DYSF: variants seen among roughly 807,000 people sequenced by gnomAD.
The protein encoded by DYSF is dystrophy-associated fer-1-like 1.
In DYSF, 212 loss-of-function variants were observed where a neutral mutation model predicts 274.9. The observed-to-expected ratio is 0.77, with a 90% CI of 0.69 to 0.86. The LOEUF (loss-of-function observed/expected upper bound fraction) is 0.86, where lower values mean the gene tolerates loss of function less well. Ranked by LOEUF, DYSF falls within the 40% of genes least tolerant of loss-of-function variation. The probability of loss-of-function intolerance (pLI) is 0.00; values close to 1 mark genes in which losing one functional copy is unlikely to be tolerated. For missense variants in DYSF, 2,666 were observed against 2,783.2 expected, an observed-to-expected ratio of 0.96 and a Z score of 0.95; for synonymous variants, 1,091 against 1,078.7, an observed-to-expected ratio of 1.01 and a Z score of -0.22.
intron 23 of DYSF, among the ~76,000 whole-genome samples, chr2:71,562,683 G>C (rs907546026): frequency 6.6e-6 from 1 of 152,220 alleles, no homozygotes; most frequent in Non-Finnish European, 1.5e-5. Flanking sequence ...CCAGGAGTGT[G>C]AGAAGGGCAG....
intron 14 of DYSF, 136 bp from the exon 15 acceptor site, chr2:71,534,885 C>T: frequency 9.3e-6 from 8 of 858,520 alleles, no homozygotes; most frequent in Non-Finnish European, 1.6e-5. Context: ...GCACTAGGCC[C>T]CAACCCCAGG....
chr2:71,568,832 G>T (rs1411702953), intron 26 of DYSF, among the ~76,000 whole-genome samples: 2 of 151,256 alleles, frequency 1.3e-5, no homozygotes, highest in Admixed American at 6.6e-5. Context: ...AAGTGCTGGG[G>T]TTACAGGCTT....
chr2:71,482,383 T>C (rs532666948), intron 3 of DYSF, among the ~76,000 whole-genome samples: 27 of 152,312 alleles, frequency 1.8e-4, no homozygotes, highest in African/African-American at 6.5e-4. Context: ...AAACTGTAGC[T>C]AGCAGGGAGC....
rs1455354864 is a variant in DYSF at position 71,658,863 on chromosome 2, C to T, written c.4756-15C>T. The T allele has an allele frequency of 3.1e-6, 5 of 1,613,966 alleles. No individual in the cohort carries two copies. Among genetic ancestry groups the T allele is most frequent in the Non-Finnish European group, 4.2e-6 (5 of 1,180,004 alleles). The stretch of plus-strand genomic sequence containing the variant: ...ATGATGATAAAAATGAAAATTAACC[C>T]TTCCTTCTTTTCAGGGCCTCTTCAA... On this transcript the variant is annotated splice_polypyrimidine_tract_variant and intron_variant, in intron 43 of 55. Transcript: ENST00000410020.
At chr2:71,608,503 G>T (rs1226813688) in intron 36 of DYSF, among the ~76,000 whole-genome samples, 1 of 152,144 alleles carries the variant, frequency 6.6e-6, no homozygotes, top group Non-Finnish European at 1.5e-5. Flanking sequence ...TGAGGAAGCT[G>T]CCTGGACACA....
At chr2:71,620,684 A>C in intron 41 of DYSF, 75 bp downstream of exon 41, 18 of 978,370 alleles carry the variant, frequency 1.8e-5, no homozygotes, top group East Asian at 3.6e-5. Context: ...TAGGAGGGAA[A>C]TGGGAGGGGA....
chr2:71,521,573 G>T (rs1254512905), intron 12 of DYSF, among the ~76,000 whole-genome samples: 1 of 152,086 alleles, frequency 6.6e-6, no homozygotes, highest in Non-Finnish European at 1.5e-5. Context: ...AGTGCTGAAG[G>T]TCAGGGGTGA....
chr2:71,629,609 C>G (rs529376004), intron 41 of DYSF, among the ~76,000 whole-genome samples: 1 of 152,332 alleles, frequency 6.6e-6, no homozygotes, highest in African/African-American at 2.4e-5. Flanking sequence ...CACAGATTAA[C>G]TTAAAACTAA....
At chr2:71,686,044 C>T (rs2152976083) in intron 55 of DYSF, among the ~76,000 whole-genome samples, 1 of 152,300 alleles carries the variant, frequency 6.6e-6, no homozygotes, top group East Asian at 1.9e-4. Context: ...CCCTGGGCCC[C>T]ACCTTCAGCA....
intron 44 of DYSF, among the ~76,000 whole-genome samples, chr2:71,660,308 G>A (rs1204194352): frequency 6.6e-6 from 1 of 152,202 alleles, no homozygotes; most frequent in Non-Finnish European, 1.5e-5. Context: ...TCTCCCAATG[G>A]AGCAGTAGAT....
At chr2:71,543,195 GT>G (rs1430906655) in intron 17 of DYSF, among the ~76,000 whole-genome samples, 1 of 141,234 alleles carries the variant, frequency 7.1e-6, no homozygotes, top group African/African-American at 2.6e-5. Flanking sequence ...GGAGTGGCCC[GT>G]TAGAGACGCT....
intron 17 of DYSF, among the ~76,000 whole-genome samples, chr2:71,543,564 T>C (rs1354540981): frequency 3.9e-5 from 6 of 152,174 alleles, no homozygotes; most frequent in African/African-American, 1.4e-4. Flanking sequence ...CACTCCAGCC[T>C]GGGCAACATT....
intron 3 of DYSF, among the ~76,000 whole-genome samples, chr2:71,485,066 C>T (rs998914636): frequency 6.6e-5 from 10 of 152,224 alleles, no homozygotes; most frequent in Admixed American, 6.5e-4. Flanking sequence ...CAACCTCACC[C>T]GTTTACCAGA....
chr2:71,635,245 T>C (rs922979053), intron 41 of DYSF, among the ~76,000 whole-genome samples: 1 of 152,210 alleles, frequency 6.6e-6, no homozygotes, highest in Non-Finnish European at 1.5e-5. Context: ...CTTTCGCCTA[T>C]GATGGGGAAA....
At chr2:71,505,563 T>C (rs982016609) in intron 4 of DYSF, among the ~76,000 whole-genome samples, 1 of 152,196 alleles carries the variant, frequency 6.6e-6, no homozygotes, top group Non-Finnish European at 1.5e-5. Context: ...TTTTGCTCAG[T>C]GTTCTCACCC....
intron 45 of DYSF, among the ~76,000 whole-genome samples, chr2:71,662,512 G>GTGTGTGTGTA (rs2094902935): frequency 1.3e-5 from 2 of 148,470 alleles, no homozygotes; most frequent in Non-Finnish European, 3.0e-5. Context: ...GTGTATATGT[G>GTGTGTGTGTA]TATGTGTGTC....
chr2:71,475,559 C>T (rs1023278028), intron 1 of DYSF, among the ~76,000 whole-genome samples: 27 of 151,956 alleles, frequency 1.8e-4, no homozygotes, highest in African/African-American at 6.5e-4. Context: ...GAGAGACAAC[C>T]GTGCTGGGTA....
chr2:71,561,660 G>A, intron 22 of DYSF, 92 bp from the exon 23 acceptor site: 2 of 1,475,808 alleles, frequency 1.4e-6, no homozygotes, highest in Admixed American at 3.4e-5. Context: ...GGAGGGGGTG[G>A]GGCCTGCTGT....
chr2:71,538,878 G>C (rs2089647016), intron 16 of DYSF, among the ~76,000 whole-genome samples: 1 of 152,210 alleles, frequency 6.6e-6, no homozygotes, highest in South Asian at 2.1e-4. Flanking sequence ...CGTCTGTAGA[G>C]ATCCAGGCTG....
Sources: allele counts gnomAD v4.1 joint callset (sites outside exome capture counted in the v4.1 genomes callset), GRCh38; gene constraint gnomAD v4.1.1; transcripts MANE v1.5; gene names NCBI Gene and HGNC (gene_info 2026-07-23, HGNC 2026-07-21).